Variants in ARID2 observed in about 807,000 individuals in gnomAD.
ARID2 encodes the protein AT-rich interaction domain 2, also known as AT-rich interactive domain-containing protein 2.
In ARID2, 32 loss-of-function variants were observed where a neutral mutation model predicts 184.6. That is an observed-to-expected ratio of 0.17 (90% confidence interval 0.13 to 0.23). ARID2 has a LOEUF of 0.23. Ranked by LOEUF, ARID2 falls within the 10% of genes least tolerant of loss-of-function variation. The pLI, the probability that ARID2 is intolerant of heterozygous loss-of-function variation, is 1.00. For missense variants in ARID2, 1,696 were observed against 2,197.6 expected, an observed-to-expected ratio of 0.77 and a Z score of 4.56; for synonymous variants, 836 against 772.6, an observed-to-expected ratio of 1.08 and a Z score of -1.36.
chr12:45,778,250 C>T (rs538546778), intron 3 of ARID2, among the ~76,000 whole-genome samples: 4 of 152,016 alleles, frequency 2.6e-5, no homozygotes, highest in South Asian at 2.1e-4. Context: ...GTGTTCCCCC[C>T]CCAACCCGCA....
Position 45,837,422 on chromosome 12 carries a change from GTT to G in ARID2, c.1120+8_1120+9del. The G allele has an allele frequency of 6.2e-7, 1 of 1,610,740 alleles. No homozygotes were observed. The highest frequency in any genetic ancestry group is 1.1e-5 in the South Asian group (1 of 90,658). On this transcript the variant is annotated splice_donor_region_variant and intron_variant, in intron 9 of 20. Transcript: ENST00000334344. ...ATAGATTTTTAAAGATGAGAGGTGA[GTT>G]TTCACTGAAGTATTTACTTTCTAAA... is the stretch of plus-strand genomic sequence containing the variant.
At chr12:45,893,286 T>C (rs1293151687) in intron 18 of ARID2, 134 bp from the exon 19 acceptor site, 7 of 1,080,684 alleles carry the variant, frequency 6.5e-6, no homozygotes, top group Middle Eastern at 4.6e-4. Context: ...TGCTAGACCA[T>C]TGGACCTTTA....
At chr12:45,815,529 T>A (rs570826631) in intron 4 of ARID2, among the ~76,000 whole-genome samples, 1 of 152,334 alleles carries the variant, frequency 6.6e-6, no homozygotes, top group South Asian at 2.1e-4. Context: ...AATGAAATTC[T>A]TTACTTACAT....
intron 20 of ARID2, among the ~76,000 whole-genome samples, chr12:45,904,033 GC>G (rs1944490771): frequency 6.6e-6 from 1 of 151,702 alleles, no homozygotes; most frequent in African/African-American, 2.4e-5. Context: ...ATTTTTCTCA[GC>G]CCCCAGCATC....
chr12:45,755,193 G>C (rs1034937283), intron 3 of ARID2, among the ~76,000 whole-genome samples: 1 of 152,182 alleles, frequency 6.6e-6, no homozygotes, highest in Non-Finnish European at 1.5e-5. Context: ...GCTTTATTCT[G>C]CATATAGTGA....
intron 3 of ARID2, among the ~76,000 whole-genome samples, chr12:45,799,891 C>A (rs965599436): frequency 1.3e-5 from 2 of 152,020 alleles, no homozygotes; most frequent in African/African-American, 2.4e-5. Context: ...AGTTTGTTGC[C>A]CAGCCTGGAG....
chr12:45,851,032 C>T lies in ARID2; in HGVS notation c.2909C>T (p.Pro970Leu), dbSNP rs2138167225. The T allele has an allele frequency of 6.2e-7, 1 of 1,614,194 alleles. No homozygotes were observed. Among genetic ancestry groups the T allele is most frequent in the South Asian group, 1.1e-5 (1 of 91,082 alleles). The change falls in exon 15 of 21, where the codon CCA (proline) becomes CTA (leucine). Residue 970 changes from proline to leucine, a missense_variant. Around this residue, in one of 11 missense-constraint regions of ARID2, gnomAD observed 713 missense variants for 824.4 expected, o/e 0.86. Coordinates refer to ENST00000334344, the MANE Select transcript of ARID2 (RefSeq NM_152641.4). ...CTAACTGGACAACCTAACATAACTC[C>T]ATCTTCTTCACCATCACCTGTCCCA... Reference protein sequence around the residue: ...VQLTGQPNITPSSSPSPVPAT... With the variant: ...VQLTGQPNITLSSSPSPVPAT...
At chr12:45,805,816 T>G (rs1275622981) in intron 3 of ARID2, among the ~76,000 whole-genome samples, 2 of 152,158 alleles carry the variant, frequency 1.3e-5, no homozygotes, top group African/African-American at 4.8e-5. Context: ...TAATTCAGTA[T>G]TGTTACCTAA....
chr12:45,875,379 C>T (rs570104835), intron 16 of ARID2, among the ~76,000 whole-genome samples: 1 of 152,200 alleles, frequency 6.6e-6, no homozygotes, highest in East Asian at 1.9e-4. Context: ...TGATGTTGCC[C>T]AGGCAATGTA....
chr12:45,851,905 G>A lies in ARID2; in HGVS notation c.3782G>A (p.Arg1261His), dbSNP rs1199501070. The change falls in exon 15 of 21, where the codon CGT (arginine) becomes CAT (histidine). Residue 1261 changes from arginine to histidine, a missense_variant. Arg to His is a conservative substitution (Grantham distance 29, BLOSUM62 0). Transcript: ENST00000334344. ...GCAACAGGTTTACATGTTCATGAAC[G>A]TAAAATTGAAGTCATGGAGAACCCG... The part of the protein sequence containing the change: ...KEATGLHVHE[R>H]KIEVMENPSC... 3 of 1,614,060 alleles carry A rather than the reference G, an allele frequency of 1.9e-6. No individual in the cohort carries two copies. The highest frequency in any genetic ancestry group is 1.3e-5 in the African/African-American group (1 of 74,950).
rs1228723298 is a variant in ARID2 at position 45,852,376 on chromosome 12, G to A, written c.4253G>A (p.Gly1418Glu). 6.2e-7 allele frequency: 1 copy of A among 1,614,126 alleles called. No individual in the cohort carries two copies. Among genetic ancestry groups the A allele is most frequent in the Middle Eastern group, 1.6e-4 (1 of 6,062 alleles). The change falls in exon 15 of 21, where the codon GGA becomes GAA. Residue 1418 changes from glycine to glutamate, a missense_variant. Around this residue, in one of 11 missense-constraint regions of ARID2, gnomAD observed 428 missense variants for 409.1 expected, o/e 1.05. Coordinates refer to ENST00000334344, the MANE Select transcript of ARID2 (RefSeq NM_152641.4). ...GATCAACTAGAAAGAATTTCTAATG[G>A]ACCTGTATTAACTTTGGGTGGTTCA... Reference protein sequence around the residue: ...KGDQLERISNGPVLTLGGSSV... With the variant: ...KGDQLERISNEPVLTLGGSSV...
intron 16 of ARID2, among the ~76,000 whole-genome samples, chr12:45,884,462 A>C (rs1466766261): frequency 2.0e-5 from 3 of 152,248 alleles, no homozygotes; most frequent in Non-Finnish European, 2.9e-5. Context: ...CTTTCATAGC[A>C]CTTTTCAAAT....
intron 3 of ARID2, among the ~76,000 whole-genome samples, chr12:45,767,714 G>A (rs2138019248): frequency 6.6e-6 from 1 of 152,282 alleles, no homozygotes; most frequent in South Asian, 2.1e-4. Flanking sequence ...GATGGTGTGT[G>A]GTATGGGATG....
rs2138158641 is a variant in ARID2, at chr12:45,850,051, C to T, written c.1928C>T (p.Ser643Leu). 4 of 1,611,406 alleles carry T rather than the reference C, an allele frequency of 2.5e-6. No homozygotes were observed. Among genetic ancestry groups the T allele is most frequent in the Non-Finnish European group, 3.4e-6 (4 of 1,178,300 alleles). The change falls in exon 15 of 21, where the codon TCA becomes TTA. Residue 643 changes from serine (S) to leucine (L), a missense_variant. Around this residue, in one of 11 missense-constraint regions of ARID2, gnomAD observed 713 missense variants for 824.4 expected, o/e 0.86. Coordinates refer to ENST00000334344, the MANE Select transcript of ARID2 (RefSeq NM_152641.4). The part of the protein sequence containing the change: ...APSPAGIPHG[S>L]QTIGNHFQRT... ...ATATTTTCAGGAATCCCTCATGGAT[C>T]ACAAACCATAGGAAACCATTTTCAG...
At chr12:45,732,102 G>A in intron 3 of ARID2, among the ~76,000 whole-genome samples, 1 of 150,538 alleles carries the variant, frequency 6.6e-6, no homozygotes, top group Non-Finnish European at 1.5e-5. Flanking sequence ...TTTTCTTCTA[G>A]GAATACTTTC....
intron 10 of ARID2, among the ~76,000 whole-genome samples, chr12:45,838,278 C>T (rs150336494): frequency 1.3e-5 from 2 of 152,324 alleles, no homozygotes; most frequent in African/African-American, 4.8e-5. Context: ...AATATACTTA[C>T]TAACACATGC....
rs778956272 is a variant in ARID2 at position 45,893,465 on chromosome 12, G to A, written c.5193G>A (p.Lys1731=). Reference sequence around the variant, plus strand: ...CAAGCTCAACTCCTAGAGCACAAAAGGCCATTGTGAATCATCCCAGTGCTG... The same window carrying A: ...CAAGCTCAACTCCTAGAGCACAAAAAGCCATTGTGAATCATCCCAGTGCTG... The part of the protein sequence containing the change: ...GGTSSTPRAQ[K]AIVNHPSAAL... The change falls in exon 19 of 21, where the codon AAG becomes AAA. Residue 1731 remains lysine (K), a synonymous_variant. Coordinates refer to ENST00000334344, the MANE Select transcript of ARID2 (RefSeq NM_152641.4). The A allele has an allele frequency of 6.2e-7, 1 of 1,614,002 alleles. No individual in the cohort carries two copies. The highest frequency in any genetic ancestry group is 1.3e-5 in the African/African-American group (1 of 75,012).
intron 3 of ARID2, among the ~76,000 whole-genome samples, chr12:45,734,987 C>T (rs1050359568): frequency 2.0e-5 from 3 of 152,096 alleles, no homozygotes; most frequent in Admixed American, 1.3e-4. Context: ...CTATATGTTA[C>T]TAGTTTTCTG....
At chr12:45,732,209 C>G (rs955833179) in intron 3 of ARID2, among the ~76,000 whole-genome samples, 5 of 151,840 alleles carry the variant, frequency 3.3e-5, no homozygotes, top group Non-Finnish European at 4.4e-5. Flanking sequence ...AAATGATATT[C>G]TTTGTATTTA....
Sources: gnomAD v4.1 joint callset for allele counts (sites outside exome capture counted in the v4.1 genomes callset) on GRCh38, gnomAD v4.1.1 for gene constraint, gnomAD v4.1.1 regional missense constraint, MANE v1.5 for transcripts, NCBI Gene and HGNC (gene_info 2026-07-23, HGNC 2026-07-21) for gene names.